PARD3B: variants seen among roughly 807,000 people sequenced by gnomAD.
PARD3B encodes par-3 family cell polarity regulator beta.
Under a neutral mutation model 130.2 loss-of-function variants are expected in PARD3B, and 103 were observed. That is an observed-to-expected ratio of 0.79 (90% CI 0.67 to 0.93). The LOEUF is 0.93. PARD3B is among the 40% of genes least tolerant of loss of function. The pLI is 0.00. For missense variants in PARD3B, 1,609 were observed against 1,499.2 expected, an observed-to-expected ratio of 1.07 and a Z score of -1.21; for synonymous variants, 583 against 553.2, an observed-to-expected ratio of 1.05 and a Z score of -0.76.
chr2:205,023,726 ATAAT>A (rs1696806046), intron 3 of PARD3B, among the ~76,000 whole-genome samples: 1 of 151,948 alleles, frequency 6.6e-6, no homozygotes, highest in Admixed American at 6.6e-5. Flanking sequence ...TGAATTATAT[ATAAT>A]TAAGAGTTTT....
intron 20 of PARD3B, among the ~76,000 whole-genome samples, chr2:205,464,405 AT>A (rs911270041): frequency 2.6e-5 from 4 of 152,172 alleles, no homozygotes; most frequent in Non-Finnish European, 4.4e-5. Context: ...TAGACTGGGT[AT>A]TAATGTGTGG....
At chr2:205,377,430 T>C (rs1422437483) in intron 18 of PARD3B, among the ~76,000 whole-genome samples, 1 of 151,966 alleles carries the variant, frequency 6.6e-6, no homozygotes, top group African/African-American at 2.4e-5. Context: ...CAGTAAGGGG[T>C]TTAACCACCA....
At chr2:205,029,159 T>A (rs1239703485) in intron 3 of PARD3B, among the ~76,000 whole-genome samples, 1 of 152,212 alleles carries the variant, frequency 6.6e-6, no homozygotes, top group Non-Finnish European at 1.5e-5. Context: ...TGACATCAGC[T>A]TTAAAAATGT....
rs554264877 is a variant in PARD3B at position 205,096,722 on chromosome 2, G to A, written c.505-7704G>A. Reference sequence around the variant, plus strand: ...TGCTCTCCATAAGCCAAGGATTTGAGCCAGTCATTTAATGTTAATGATTTT... The same window carrying A: ...TGCTCTCCATAAGCCAAGGATTTGAACCAGTCATTTAATGTTAATGATTTT... On this transcript the variant is annotated intron_variant, in intron 4 of 22. Transcript: ENST00000406610. Among the ~76,000 whole-genome samples, 30 of 152,254 alleles carry A rather than the reference G, an allele frequency of 2.0e-4. 1 individual carries two copies. The South Asian group carries it at 6.2e-3, about 32-fold the overall frequency.
chr2:205,403,102 A>G (rs1454881763), intron 19 of PARD3B, among the ~76,000 whole-genome samples: 1 of 152,222 alleles, frequency 6.6e-6, no homozygotes, highest in Non-Finnish European at 1.5e-5. Flanking sequence ...CAATGAAAAA[A>G]AATAGAATAG....
In PARD3B at chr2:205,176,650, A is replaced by AAAAAAAAG. The variant is rs1559512080; in HGVS notation, c.1924+75_1924+82dup. On this transcript the variant is annotated intron_variant, in intron 13 of 22. Coordinates refer to ENST00000406610, the MANE Select transcript of PARD3B (RefSeq NM_001302769.2). This position sits in a 1 kb window ranked among gnomAD's most constrained non-coding sequence, Gnocchi z 5.3. ...AAAAGTGTCTTTTTATCTAAAAAAA[A>AAAAAAAAG]AAAAAAAGAGTAAAGGGGAGTTAAT... 1.5e-4 allele frequency: 206 copies of AAAAAAAAG among 1,419,236 alleles called. No homozygotes were observed. The highest frequency in any genetic ancestry group is 1.6e-4 in the Non-Finnish European group (171 of 1,061,832). The allele number at this position is 1,419,236 out of a possible 1,614,324, so 87.9% of individuals were successfully genotyped here.
chr2:205,377,824 G>C (rs2045126937), intron 18 of PARD3B, among the ~76,000 whole-genome samples: 1 of 147,574 alleles, frequency 6.8e-6, no homozygotes, highest in African/African-American at 2.6e-5. Context: ...AGGCTGGAGT[G>C]CAATGGTGAG....
intron 21 of PARD3B, among the ~76,000 whole-genome samples, chr2:205,511,388 A>G (rs2050582903): frequency 6.6e-6 from 1 of 152,238 alleles, no homozygotes; most frequent in South Asian, 2.1e-4. Flanking sequence ...AGTGAAAAAA[A>G]GAACTCTTTC....
chr2:205,094,670 G>C (rs762174014), intron 4 of PARD3B, among the ~76,000 whole-genome samples: 3 of 152,120 alleles, frequency 2.0e-5, no homozygotes, highest in Non-Finnish European at 2.9e-5. Flanking sequence ...TCGTCATGAA[G>C]ACCAGCAGGG....
chr2:205,572,246 T>C lies in PARD3B; in HGVS notation c.3260+18843T>C, dbSNP rs965874496. On this transcript the variant is annotated intron_variant, in intron 22 of 22. Coordinates refer to ENST00000406610, the MANE Select transcript of PARD3B (RefSeq NM_001302769.2). The surrounding 1 kb of genome is among the most constrained non-coding windows in gnomAD (Gnocchi z 4.2). Reference sequence around the variant, plus strand: ...AGAAGAATGACAAATTATAGATTATTTCAGTCAAGTAGAATAAGTGCTAAA... The same window carrying C: ...AGAAGAATGACAAATTATAGATTATCTCAGTCAAGTAGAATAAGTGCTAAA... Among the ~76,000 whole-genome samples the C allele has an allele frequency of 3.3e-5, 5 of 152,168 alleles. No individual in the cohort carries two copies. The highest frequency in any genetic ancestry group is 4.8e-5 in the African/African-American group (2 of 41,432).
chr2:205,324,576 T>G (rs2042872616), intron 18 of PARD3B, among the ~76,000 whole-genome samples: 1 of 152,162 alleles, frequency 6.6e-6, no homozygotes, highest in Non-Finnish European at 1.5e-5. Context: ...AAAAATAAAT[T>G]GTTTCATTTC....
intron 2 of PARD3B, among the ~76,000 whole-genome samples, chr2:204,740,690 T>C (rs1227012207): frequency 2.0e-5 from 3 of 152,194 alleles, no homozygotes; most frequent in African/African-American, 7.2e-5. Flanking sequence ...CAGCTGGGGC[T>C]GTCCACCAGA....
intron 5 of PARD3B, among the ~76,000 whole-genome samples, chr2:205,110,872 T>G (rs1013472064): frequency 6.6e-6 from 1 of 152,130 alleles, no homozygotes; most frequent in East Asian, 1.9e-4. Flanking sequence ...TTCATGTCTT[T>G]GTAAAATCTC....
chr2:205,602,412 C>T (rs2105761170), intron 22 of PARD3B, among the ~76,000 whole-genome samples: 1 of 152,220 alleles, frequency 6.6e-6, no homozygotes, highest in African/African-American at 2.4e-5. Context: ...GGGAGAAGTC[C>T]CTTCTTTTCA....
At chr2:205,008,133 T>A (rs1695428885) in intron 3 of PARD3B, among the ~76,000 whole-genome samples, 2 of 152,130 alleles carry the variant, frequency 1.3e-5, no homozygotes, top group African/African-American at 4.8e-5. Context: ...AGATTTTTTT[T>A]AAGGGATGAG....
intron 15 of PARD3B, among the ~76,000 whole-genome samples, chr2:205,206,460 T>C (rs2037316468): frequency 6.7e-6 from 1 of 149,382 alleles, no homozygotes; most frequent in Non-Finnish European, 1.5e-5. Context: ...AGTGAGAATA[T>C]GTGGTGTTTG....
intron 4 of PARD3B, among the ~76,000 whole-genome samples, chr2:205,094,056 G>T (rs1355409694): frequency 6.6e-6 from 1 of 152,140 alleles, no homozygotes; most frequent in Non-Finnish European, 1.5e-5. Flanking sequence ...TCTCCATACA[G>T]TTGTCTTTGA....
intron 3 of PARD3B, among the ~76,000 whole-genome samples, chr2:204,991,817 C>T (rs1693712564): frequency 6.6e-6 from 1 of 151,656 alleles, no homozygotes; most frequent in Non-Finnish European, 1.5e-5. Context: ...TTGCATTTCT[C>T]TGATGGCCAG....
At chr2:205,514,047 CAT>C (rs1202105901) in intron 21 of PARD3B, among the ~76,000 whole-genome samples, 2 of 152,046 alleles carry the variant, frequency 1.3e-5, no homozygotes. Flanking sequence ...TGGCTTTTAT[CAT>C]ATGTTTCATG....
Sources: allele counts gnomAD v4.1 joint callset (sites outside exome capture counted in the v4.1 genomes callset), GRCh38; gene constraint gnomAD v4.1.1; non-coding constraint Gnocchi (gnomAD v3.1); transcripts MANE v1.5; gene names NCBI Gene and HGNC (gene_info 2026-07-23, HGNC 2026-07-21).